The following ANO10 variants were observed in gnomAD, a reference collection of about 807,000 sequenced individuals.
The protein encoded by ANO10 is anoctamin-10.
Under a neutral mutation model 74.7 loss-of-function variants are expected in ANO10, and 77 were observed. That is an observed-to-expected ratio of 1.03 (90% confidence interval 0.86 to 1.25). The LOEUF is 1.25. Ranked by LOEUF, ANO10 falls within the 50% of genes most tolerant of loss-of-function variation. ANO10 has a pLI of 0.00. For synonymous variants in ANO10, 279 were observed against 284.9 expected (o/e 0.98, Z 0.21); for missense variants, 721 against 778.1 (o/e 0.93, Z 0.87).
rs546499015 is a variant in ANO10, at chr3:43,428,358, A to C, written c.1914+4253T>G. On this transcript the variant is annotated intron_variant, in intron 12 of 12. Transcript: ENST00000292246. ...AACCACCACACCCAGCCAACCCTGAACCTTTAATTCTCAGATTGATAATTA... is the reference window on the plus strand; with the variant it reads ...AACCACCACACCCAGCCAACCCTGACCCTTTAATTCTCAGATTGATAATTA... 2.0e-5 allele frequency among the ~76,000 whole-genome samples: 3 copies of C among 152,216 alleles called. No homozygotes were observed. In the South Asian group the frequency reaches 6.2e-4, roughly 32 times the overall value.
chr3:43,406,901 A>G (rs998983133), intron 12 of ANO10, among the ~76,000 whole-genome samples: 3 of 147,988 alleles, frequency 2.0e-5, no homozygotes, highest in Non-Finnish European at 3.0e-5. Flanking sequence ...GTCTCGCAAC[A>G]GAGATTTTTT....
At chr3:43,549,056 T>G (rs1001158322) in intron 11 of ANO10, among the ~76,000 whole-genome samples, 7 of 152,124 alleles carry the variant, frequency 4.6e-5, no homozygotes, top group African/African-American at 1.7e-4. Context: ...GTCTTTTCTC[T>G]AAAATAGACT....
At chr3:43,682,564 T>C (rs891351152) in intron 1 of ANO10, among the ~76,000 whole-genome samples, 2 of 152,168 alleles carry the variant, frequency 1.3e-5, no homozygotes, top group Non-Finnish European at 2.9e-5. Context: ...GAGGGAATCC[T>C]CCCTAACTCA....
chr3:43,561,328 T>C lies in ANO10; in HGVS notation c.1368A>G (p.Gln456=). 6.2e-7 allele frequency: 1 copy of C among 1,614,180 alleles called. No individual in the cohort carries two copies. Among genetic ancestry groups the C allele is most frequent in the Non-Finnish European group, 8.5e-7 (1 of 1,180,024 alleles). Residue 456 remains glutamine, a synonymous_variant, in exon 9 of 13, where the codon CAA becomes CAG. Transcript: ENST00000292246. ...TCTTCACCCGCACACCATGCTTCCT[T>C]TGGAGCCAATAAGGAAGAAAAGATT... The part of the protein sequence containing the change: ...IMESFLPYWL[Q]RKHGVRVKRK...
chr3:43,408,580 G>A (rs934541792), intron 12 of ANO10, among the ~76,000 whole-genome samples: 2 of 152,162 alleles, frequency 1.3e-5, no homozygotes, highest in African/African-American at 4.8e-5. Context: ...AGCCAAACCT[G>A]CGATCTGAAA....
chr3:43,571,278 G>A (rs1329821709), intron 7 of ANO10, among the ~76,000 whole-genome samples: 2 of 152,086 alleles, frequency 1.3e-5, no homozygotes, highest in East Asian at 1.9e-4. Flanking sequence ...TCAGTGTGGC[G>A]ACTCCTCAGG....
At chr3:43,648,339 AG>A (rs2083748298) in intron 1 of ANO10, among the ~76,000 whole-genome samples, 1 of 152,240 alleles carries the variant, frequency 6.6e-6, no homozygotes, top group Non-Finnish European at 1.5e-5. Flanking sequence ...ACCCCAAGAG[AG>A]GGTTCTTGGA....
chr3:43,690,911 A>C, intron 1 of ANO10: 2 of 1,446,956 alleles, frequency 1.4e-6, no homozygotes, highest in Non-Finnish European at 1.8e-6. Context: ...GCGCCGCCTT[A>C]AGTGCCGCGC....
chr3:43,514,875 G>A (rs1174794381), intron 11 of ANO10, among the ~76,000 whole-genome samples: 2 of 152,154 alleles, frequency 1.3e-5, no homozygotes, highest in Admixed American at 6.5e-5. Context: ...AATAACACAT[G>A]GGTCAAAGAA....
At chr3:43,527,689 C>G (rs2078266353) in intron 11 of ANO10, among the ~76,000 whole-genome samples, 1 of 152,132 alleles carries the variant, frequency 6.6e-6, no homozygotes, top group Admixed American at 6.6e-5. Context: ...GCAAGACTAG[C>G]TCCAAAGCCC....
chr3:43,432,608 C>T lies in ANO10; in HGVS notation c.1914+3G>A, dbSNP rs113187031. On this transcript the variant is annotated splice_donor_region_variant and intron_variant, in intron 12 of 12. Transcript: ENST00000292246. ...CATACATTTTCAGGACAGCTGCTCT[C>T]ACCTGCTGCTTGAGTGCCTCCAAAG... is the stretch of plus-strand genomic sequence containing the variant. 252 of 1,597,320 alleles carry T rather than the reference C, an allele frequency of 1.6e-4. 6 individuals are homozygous for T. The African/African-American group carries it at 2.3e-3, about 15-fold the overall frequency.
Position 43,565,702 on chromosome 3 carries a change from G to C in ANO10, c.1244C>G (p.Ser415Ter), listed in dbSNP as rs773766788. 1.9e-6 allele frequency: 3 copies of C among 1,562,862 alleles called. No individual in the cohort carries two copies. The highest frequency in any genetic ancestry group is 2.4e-5 in the East Asian group (1 of 42,542). ...CAAGACAAAGGCAATATAGAAGAGT[G>C]AGGCAAAGCAATTGAGGAAGTTGAA... is the stretch of plus-strand genomic sequence containing the variant. ...LVFNFLNCFA[S>*]LFYIAFVLKD... Residue 415 changes from serine (S) to a stop codon, truncating the protein, a stop_gained, in exon 8 of 13, where the codon TCA becomes TGA. Transcript: ENST00000292246. LOFTEE classifies it high-confidence loss of function.
chr3:43,496,885 T>C (rs1481518640), intron 11 of ANO10, among the ~76,000 whole-genome samples: 1 of 152,158 alleles, frequency 6.6e-6, no homozygotes, highest in Non-Finnish European at 1.5e-5. Context: ...TTCCTCAAGA[T>C]GTACAGTGAT....
chr3:43,463,014 C>T (rs913054856), intron 11 of ANO10, among the ~76,000 whole-genome samples: 2 of 152,168 alleles, frequency 1.3e-5, no homozygotes, highest in African/African-American at 2.4e-5. Context: ...GGAAATGCCT[C>T]GATGTCCAGG....
At chr3:43,577,355 G>C in intron 5 of ANO10, 94 bp from the exon 6 acceptor site, 1 of 1,257,122 alleles carries the variant, frequency 8.0e-7, no homozygotes, top group Non-Finnish European at 1.1e-6. Context: ...AGTTAAGTGG[G>C]GATCATTCAA....
intron 12 of ANO10, among the ~76,000 whole-genome samples, chr3:43,384,129 C>G (rs1293746106): frequency 6.6e-6 from 1 of 151,916 alleles, no homozygotes; most frequent in East Asian, 1.9e-4. Flanking sequence ...CCAACAGCGA[C>G]CAAGCTGAGA....
chr3:43,461,666 T>C (rs2075384978), intron 11 of ANO10, among the ~76,000 whole-genome samples: 2 of 152,216 alleles, frequency 1.3e-5, no homozygotes, highest in South Asian at 4.1e-4. Context: ...CGTGACTTGC[T>C]CTTCCTTGCC....
At chr3:43,536,561 A>T (rs1007304530) in intron 11 of ANO10, among the ~76,000 whole-genome samples, 1 of 152,190 alleles carries the variant, frequency 6.6e-6, no homozygotes. Flanking sequence ...TCTCATCAGC[A>T]AAACAATACT....
chr3:43,533,539 T>C (rs1335143653), intron 11 of ANO10, among the ~76,000 whole-genome samples: 1 of 152,234 alleles, frequency 6.6e-6, no homozygotes, highest in Non-Finnish European at 1.5e-5. Context: ...TTCATTCTTA[T>C]TTTAAAAACT....
Sources: gnomAD v4.1 joint callset for allele counts (sites outside exome capture counted in the v4.1 genomes callset) on GRCh38, gnomAD v4.1.1 for gene constraint, MANE v1.5 for transcripts, NCBI Gene and HGNC (gene_info 2026-07-23, HGNC 2026-07-21) for gene names.